Variants in NCF4 observed in about 807,000 individuals in gnomAD.
NCF4 encodes the protein neutrophil cytosolic factor 4.
In NCF4, 30 loss-of-function variants were observed where a neutral mutation model predicts 41.7. That is an observed-to-expected ratio of 0.72 (90% CI 0.54 to 0.97). The LOEUF is 0.97. NCF4 is among the 50% of genes least tolerant of loss of function. The pLI is 0.00. For missense variants in NCF4, 432 were observed against 460.9 expected (o/e 0.94, Z 0.57); for synonymous variants, 195 against 175.8 (o/e 1.11, Z -0.87).
intron 1 of NCF4, 118 bp from the exon 2 acceptor site, chr22:36,863,927 T>A: frequency 1.0e-6 from 1 of 965,264 alleles, no homozygotes; most frequent in East Asian, 2.4e-5. Context: ...GAAGGGGTGC[T>A]GAGAGACGAA....
intron 3 of NCF4, among the ~76,000 whole-genome samples, chr22:36,866,200 A>C (rs552886147): frequency 1.3e-5 from 2 of 150,850 alleles, no homozygotes; most frequent in African/African-American, 4.9e-5. Context: ...GCACTGTCTC[A>C]CCTTGGCATG....
rs1388188617 is a variant in NCF4, at chr22:36,877,782, A to G, written c.979A>G (p.Thr327Ala). ...CCTCTTCCCCTGGAAGCTGCACATCACGCAGAAGGACAACTACAGGGTCTA... is the reference window on the plus strand; with the variant it reads ...CCTCTTCCCCTGGAAGCTGCACATCGCGCAGAAGGACAACTACAGGGTCTA... ...KRLFPWKLHI[T>A]QKDNYRVYNT... is the part of the protein sequence containing the mutation. The change falls in exon 10 of 10, where the codon ACG becomes GCG. Residue 327 changes from threonine to alanine, a missense_variant. Coordinates refer to ENST00000248899, the MANE Select transcript of NCF4 (RefSeq NM_000631.5). 6.2e-7 allele frequency: 1 copy of G among 1,614,042 alleles called. No homozygotes were observed. The highest frequency in any genetic ancestry group is 1.7e-5 in the Admixed American group (1 of 60,012).
intron 7 of NCF4, among the ~76,000 whole-genome samples, chr22:36,873,947 C>T (rs1384767411): frequency 6.6e-6 from 1 of 152,176 alleles, no homozygotes; most frequent in Non-Finnish European, 1.5e-5. Context: ...TCAGAGTCAG[C>T]CTGTTTGGGC....
Position 36,875,845 on chromosome 22 carries a change from C to T in NCF4, c.758+62C>T, listed in dbSNP as rs944647165. 19 of 1,614,120 alleles carry T rather than the reference C, an allele frequency of 1.2e-5. No individual in the cohort carries two copies. The highest frequency in any genetic ancestry group is 2.2e-5 in the East Asian group (1 of 44,874). On this transcript the variant is annotated intron_variant, in intron 8 of 9. Coordinates refer to ENST00000248899, the MANE Select transcript of NCF4 (RefSeq NM_000631.5). ...CCTGCCATCCCTACGACCACTGCCCCTCACATCACCTTCTCATGGGTCCCT... is the reference window on the plus strand; with the variant it reads ...CCTGCCATCCCTACGACCACTGCCCTTCACATCACCTTCTCATGGGTCCCT...
At chr22:36,876,615 C>A (rs1011460590) in intron 9 of NCF4, among the ~76,000 whole-genome samples, 2 of 152,170 alleles carry the variant, frequency 1.3e-5, no homozygotes, top group Non-Finnish European at 1.5e-5. Context: ...AGTACTTACA[C>A]CCCACACACA....
Position 36,862,734 on chromosome 22 carries a change from A to G in NCF4, c.33-1311A>G, listed in dbSNP as rs575213771. On this transcript the variant is annotated intron_variant, in intron 1 of 9. Coordinates refer to ENST00000248899, the MANE Select transcript of NCF4 (RefSeq NM_000631.5). ...TGCTTAAGGTCAAAGCAGAGAGTAC[A>G]AGGAGAGGGCGCAGGTTCGCGCAGC... Among the ~76,000 whole-genome samples the G allele has an allele frequency of 6.7e-4, 102 of 152,334 alleles. No homozygotes were observed. In the South Asian group the frequency reaches 0.012, roughly 18 times the overall value.
rs533725801 is a variant in NCF4 at position 36,871,513 on chromosome 22, G to C, written c.471-139G>C. On this transcript the variant is annotated intron_variant, in intron 5 of 9. Transcript: ENST00000248899. ...GGGACAAGTGTGCCCGCCCAGAGGA[G>C]CAATTGCAGCCACATTTCAGCATCT... 92 of 928,370 alleles carry C rather than the reference G, an allele frequency of 9.9e-5. No homozygotes were observed. The South Asian group carries it at 1.2e-3, about 12-fold the overall frequency. 57.5% of individuals were successfully genotyped at this position (928,370 alleles called of 1,614,324 possible). A position where few individuals can be genotyped will look rare whatever the true frequency, so the allele number is the denominator to read the frequency against.
Position 36,875,791 on chromosome 22 carries a change from G to C in NCF4, c.758+8G>C. 6.2e-7 allele frequency: 1 copy of C among 1,614,120 alleles called. No homozygotes were observed. The highest frequency in any genetic ancestry group is 8.5e-7 in the Non-Finnish European group (1 of 1,180,026). On this transcript the variant is annotated splice_region_variant and intron_variant, in intron 8 of 9. Transcript: ENST00000248899. Reference sequence around the variant, plus strand: ...CACCATCAGCACCATCAAGTCTGTGGCCTGGGAGGGAGGGGCCTGTCCAGC... The same window carrying C: ...CACCATCAGCACCATCAAGTCTGTGCCCTGGGAGGGAGGGGCCTGTCCAGC...
intron 7 of NCF4, among the ~76,000 whole-genome samples, chr22:36,874,749 C>T (rs1940154792): frequency 6.6e-6 from 1 of 152,204 alleles, no homozygotes; most frequent in Non-Finnish European, 1.5e-5. Context: ...GAACAGAACA[C>T]GTGCCCAAAG....
At chr22:36,870,761 C>T (rs1057070652) in intron 5 of NCF4, among the ~76,000 whole-genome samples, 13 of 152,146 alleles carry the variant, frequency 8.5e-5, no homozygotes, top group African/African-American at 2.9e-4. Flanking sequence ...GATTGGAAGA[C>T]GAGGACTGGG....
intron 6 of NCF4, chr22:36,872,049 G>GA (rs1940069845): frequency 1.5e-6 from 1 of 680,556 alleles, no homozygotes; most frequent in Non-Finnish European, 2.7e-6. Context: ...GATGAAGCCT[G>GA]GGGACCAGGG....
chr22:36,870,431 C>A lies in NCF4; in HGVS notation c.359C>A (p.Pro120Gln), dbSNP rs760441596. The change falls in exon 5 of 10, where the codon CCG becomes CAG. Residue 120 changes from proline (P) to glutamine (Q), a missense_variant. By Grantham distance (76) the Pro-to-Gln change is moderately conservative. Transcript: ENST00000248899. ...NAYMKSLLSLPVWVLMDEDVR... is the reference protein window; with the variant it reads ...NAYMKSLLSLQVWVLMDEDVR... ...CCCACACAGAGCCTGCTCAGCCTGCCGGTCTGGGTGCTGATGGATGAGGAC... is the reference window on the plus strand; with the variant it reads ...CCCACACAGAGCCTGCTCAGCCTGCAGGTCTGGGTGCTGATGGATGAGGAC... 8 of 1,613,866 alleles carry A rather than the reference C, an allele frequency of 5.0e-6. No individual in the cohort carries two copies. Among genetic ancestry groups the A allele is most frequent in the South Asian group, 1.1e-5 (1 of 91,090 alleles).
intron 4 of NCF4, among the ~76,000 whole-genome samples, chr22:36,868,687 G>A (rs998419062): frequency 1.3e-5 from 2 of 152,140 alleles, no homozygotes; most frequent in African/African-American, 4.8e-5. Flanking sequence ...GAAGGAGGAA[G>A]AGAAGGCAGG....
chr22:36,874,627 C>G (rs1162841697), intron 7 of NCF4, among the ~76,000 whole-genome samples: 1 of 152,162 alleles, frequency 6.6e-6, no homozygotes, highest in East Asian at 1.9e-4. Context: ...CTTCTGGCCT[C>G]AGGTTGAAGG....
intron 7 of NCF4, among the ~76,000 whole-genome samples, chr22:36,873,189 T>C (rs1243059335): frequency 3.4e-5 from 5 of 148,868 alleles, no homozygotes; most frequent in East Asian, 4.0e-4. Flanking sequence ...GAGGTGAGTT[T>C]AGAGGTAAAG....
chr22:36,876,216 C>A, intron 9 of NCF4, 122 bp downstream of exon 9: 1 of 1,034,164 alleles, frequency 9.7e-7, no homozygotes, highest in Non-Finnish European at 1.4e-6. Flanking sequence ...CTCTTTTTAT[C>A]CGCAGCCCAG....
At chr22:36,867,342 C>G in intron 3 of NCF4, 50 bp from the exon 4 acceptor site, 1 of 1,605,042 alleles carries the variant, frequency 6.2e-7, no homozygotes. Context: ...CCCTGAGCCC[C>G]GGGGCCATGT....
rs2075939 is a variant in NCF4, at chr22:36,875,840, T to C, written c.758+57T>C. On this transcript the variant is annotated intron_variant, in intron 8 of 9. Transcript: ENST00000248899. ...GCCTTCCTGCCATCCCTACGACCACTGCCCCTCACATCACCTTCTCATGGG... is the reference window on the plus strand; with the variant it reads ...GCCTTCCTGCCATCCCTACGACCACCGCCCCTCACATCACCTTCTCATGGG... 1,341,153 of 1,614,022 alleles carry C rather than the reference T, an allele frequency of 0.83. 558,514 individuals carry two copies. The highest frequency in any genetic ancestry group is 0.95 in the African/African-American group (71,177 of 75,014).
At chr22:36,872,264 G>A (rs757909025) in intron 6 of NCF4, 63 bp from the exon 7 acceptor site, 2 of 1,257,616 alleles carry the variant, frequency 1.6e-6, no homozygotes, top group South Asian at 1.2e-5. Flanking sequence ...AGTATGTAAG[G>A]CACTTCTATA....
Sources: gnomAD v4.1 joint callset for allele counts (sites outside exome capture counted in the v4.1 genomes callset) on GRCh38, gnomAD v4.1.1 for gene constraint, MANE v1.5 for transcripts, NCBI Gene and HGNC (gene_info 2026-07-23, HGNC 2026-07-21) for gene names.